Variants in CHN1 observed in about 807,000 individuals in gnomAD.
The protein encoded by CHN1 is N-chimaerin.
In CHN1, 37 loss-of-function variants were observed where a neutral mutation model predicts 59.5. The ratio of observed to expected loss-of-function variants is 0.62; its 90% CI spans 0.48 to 0.82. The LOEUF (loss-of-function observed/expected upper bound fraction) is 0.82, where lower values mean the gene tolerates loss of function less well. Ranked by LOEUF, CHN1 falls within the 40% of genes least tolerant of loss-of-function variation. The pLI is 0.00. For missense variants in CHN1, 469 were observed against 571.0 expected, an observed-to-expected ratio of 0.82 and a Z score of 1.82; for synonymous variants, 206 against 200.4, an observed-to-expected ratio of 1.03 and a Z score of -0.24.
chr2:174,799,749 C>A lies in CHN1; in HGVS notation c.*367G>T. 1 of 538,136 alleles carries A rather than the reference C, an allele frequency of 1.9e-6. No homozygotes were observed. Among genetic ancestry groups the A allele is most frequent in the Non-Finnish European group, 3.6e-6 (1 of 279,166 alleles). The allele number at this position is 538,136 out of a possible 1,614,324, so 33.3% of individuals were successfully genotyped here. A position where few individuals can be genotyped will look rare whatever the true frequency, so the allele number is the denominator to read the frequency against. The stretch of plus-strand genomic sequence containing the variant: ...ATAGACCCCAAAAGCAAAGTCACAA[C>A]AGGCTTACTCTGTGAAACATGCTGG... On this transcript the variant is annotated 3_prime_UTR_variant, in exon 13 of 13. Coordinates refer to ENST00000409900, the MANE Select transcript of CHN1 (RefSeq NM_001822.7).
At position 174,942,178 on chromosome 2, in the gene CHN1, A is replaced by T. The variant is rs140960732; in HGVS notation, c.114+2710T>A. On this transcript the variant is annotated intron_variant, in intron 3 of 12. Transcript: ENST00000409900. The stretch of plus-strand genomic sequence containing the variant: ...ACTGGGGTTATATCCAAAGAAAAGG[A>T]AATCAGTATGTCAAAGAGGTGTCTG... Among the ~76,000 whole-genome samples, 17 of 152,318 alleles carry T rather than the reference A, an allele frequency of 1.1e-4. No homozygotes were observed. In the East Asian group the frequency reaches 3.1e-3, roughly 28 times the overall value.
At position 174,878,721 on chromosome 2, in the gene CHN1, C is replaced by T. The variant is rs549873436; in HGVS notation, c.261-593G>A. 5.8e-4 allele frequency among the ~76,000 whole-genome samples: 88 copies of T among 152,310 alleles called. 1 individual carries two copies. The highest frequency in any genetic ancestry group is 1.8e-3 in the African/African-American group (76 of 41,568). ...GCCACAGGCCAAGGACTTATTCTTT[C>T]GTTTTTAAAGAGTCATTATTCTGTC... is the stretch of plus-strand genomic sequence containing the variant. On this transcript the variant is annotated intron_variant, in intron 5 of 12. Transcript: ENST00000409900.
At chr2:174,908,392 A>G (rs1303257258) in intron 5 of CHN1, among the ~76,000 whole-genome samples, 1 of 152,194 alleles carries the variant, frequency 6.6e-6, no homozygotes, top group African/African-American at 2.4e-5. Context: ...TGATCTTTCT[A>G]AATCATAAAT....
In CHN1 at chr2:174,886,349, A is replaced by G. The variant is rs76426075; in HGVS notation, c.261-8221T>C. On this transcript the variant is annotated intron_variant, in intron 5 of 12. Transcript: ENST00000409900. ...AACATATTAGTGTTTGAATACAGAA[A>G]TATCCCAAAGACTATTGTAGTGTAT... Among the ~76,000 whole-genome samples the G allele has an allele frequency of 1.5e-3, 234 of 152,330 alleles. 6 individuals are homozygous for G. The East Asian group carries it at 0.039, about 26-fold the overall frequency.
chr2:174,891,634 A>G (rs1688054529), intron 5 of CHN1, among the ~76,000 whole-genome samples: 1 of 152,076 alleles, frequency 6.6e-6, no homozygotes, highest in Admixed American at 6.6e-5. Flanking sequence ...GCAAGAGCAG[A>G]ACTAAGAGGC....
At chr2:174,970,211 G>A (rs1690717939) in intron 1 of CHN1, among the ~76,000 whole-genome samples, 1 of 152,188 alleles carries the variant, frequency 6.6e-6, no homozygotes. Context: ...ACCATCTGTT[G>A]TTGTATACCA....
At chr2:174,903,837 A>T (rs1688461308) in intron 5 of CHN1, among the ~76,000 whole-genome samples, 1 of 152,172 alleles carries the variant, frequency 6.6e-6, no homozygotes, top group Non-Finnish European at 1.5e-5. Flanking sequence ...ACGGGGGTGG[A>T]AAGTTAACCC....
chr2:174,830,767 C>T (rs900604781), intron 7 of CHN1, among the ~76,000 whole-genome samples: 6 of 152,098 alleles, frequency 3.9e-5, no homozygotes, highest in African/African-American at 7.2e-5. Flanking sequence ...GGGGAAGGGG[C>T]GCAGGTGCTA....
intron 6 of CHN1, among the ~76,000 whole-genome samples, chr2:174,863,225 G>C (rs1281099314): frequency 6.6e-6 from 1 of 152,106 alleles, no homozygotes; most frequent in Non-Finnish European, 1.5e-5. Context: ...AGTGATCAAT[G>C]CATGATGTTT....
intron 5 of CHN1, among the ~76,000 whole-genome samples, chr2:174,902,944 A>C (rs1271736451): frequency 6.6e-6 from 1 of 152,190 alleles, no homozygotes; most frequent in African/African-American, 2.4e-5. Context: ...GGTGTTTTCA[A>C]TCATTAGCAA....
intron 8 of CHN1, among the ~76,000 whole-genome samples, chr2:174,814,949 G>A (rs1447800416): frequency 6.6e-6 from 1 of 151,936 alleles, no homozygotes; most frequent in South Asian, 2.1e-4. Context: ...TATTTGGGGA[G>A]TTTTCAGCTA....
intron 1 of CHN1, among the ~76,000 whole-genome samples, chr2:174,985,430 T>C (rs1691308022): frequency 6.6e-6 from 1 of 152,220 alleles, no homozygotes; most frequent in Non-Finnish European, 1.5e-5. Context: ...TAAATTTCAT[T>C]CATAATTAAA....
intron 7 of CHN1, among the ~76,000 whole-genome samples, chr2:174,835,493 T>C (rs1018490222): frequency 7.2e-5 from 11 of 152,140 alleles, no homozygotes; most frequent in African/African-American, 2.4e-4. Flanking sequence ...TGGTTTCCCA[T>C]CACTGTTCCT....
intron 6 of CHN1, among the ~76,000 whole-genome samples, chr2:174,865,495 G>T (rs140017443): frequency 1.0e-3 from 155 of 152,226 alleles, no homozygotes; most frequent in African/African-American, 2.9e-3. Flanking sequence ...CACCCCCAAA[G>T]ATCTCCATGT....
intron 8 of CHN1, among the ~76,000 whole-genome samples, chr2:174,819,058 T>A (rs545077446): frequency 2.0e-5 from 3 of 152,322 alleles, no homozygotes; most frequent in Admixed American, 2.0e-4. Context: ...AATTTTAATA[T>A]GCATCAGAAG....
Position 175,005,208 on chromosome 2 carries a change from G to C in CHN1, c.-296C>G. On this transcript the variant is annotated 5_prime_UTR_variant, in exon 1 of 13. Coordinates refer to ENST00000409900, the MANE Select transcript of CHN1 (RefSeq NM_001822.7). ...AGCGTGCGCGCGGGAGGAGGTACCT[G>C]CGAGGCAGGAGGCTTGGCCGCGGCG... The C allele has an allele frequency of 8.2e-7, 1 of 1,220,014 alleles. No individual in the cohort carries two copies. 75.6% of individuals were successfully genotyped at this position (1,220,014 alleles called of 1,614,324 possible). A position where few individuals can be genotyped will look rare whatever the true frequency, so the allele number is the denominator to read the frequency against.
intron 5 of CHN1, among the ~76,000 whole-genome samples, chr2:174,889,131 C>G (rs1338334466): frequency 6.6e-6 from 1 of 152,170 alleles, no homozygotes; most frequent in East Asian, 1.9e-4. Flanking sequence ...GCAAATCTCT[C>G]TAACTGGGAA....
intron 1 of CHN1, among the ~76,000 whole-genome samples, chr2:174,990,260 TGTG>T (rs1691496692): frequency 1.0e-5 from 1 of 98,684 alleles, no homozygotes; most frequent in Non-Finnish European, 2.1e-5. Flanking sequence ...TGTGTGTGTG[TGTG>T]AGAGAGAGAG....
chr2:174,829,131 A>G (rs1685787552), intron 7 of CHN1, among the ~76,000 whole-genome samples: 1 of 152,100 alleles, frequency 6.6e-6, no homozygotes, highest in Non-Finnish European at 1.5e-5. Flanking sequence ...GTGCAACTGG[A>G]AAAAAAAGAC....
Sources: gnomAD v4.1 joint callset for allele counts (sites outside exome capture counted in the v4.1 genomes callset) on GRCh38, gnomAD v4.1.1 for gene constraint, MANE v1.5 for transcripts, NCBI Gene and HGNC (gene_info 2026-07-23, HGNC 2026-07-21) for gene names.